Variants in SASH1 observed in about 807,000 individuals in gnomAD.
SASH1 encodes the protein SAM and SH3 domain containing 1, also known as SAM and SH3 domain-containing protein 1.
Under a neutral mutation model 125.2 loss-of-function variants are expected in SASH1, and 44 were observed. The observed-to-expected ratio is 0.35, with a 90% CI of 0.28 to 0.45. The LOEUF (loss-of-function observed/expected upper bound fraction) is 0.45. Ranked by LOEUF, SASH1 falls within the 20% of genes least tolerant of loss-of-function variation. SASH1 has a pLI of 1.00. For missense variants in SASH1, 1,426 were observed against 1,614.5 expected (o/e 0.88, Z 2.00); for synonymous variants, 639 against 649.1 (o/e 0.98, Z 0.24).
chr6:148,533,929 A>C lies in SASH1; in HGVS notation c.1893A>C (p.Arg631=). ...KRPTRRRRKG[R]PPQPKSVEDL... is the part of the protein sequence containing the mutation. ...CCACCAGGAGGCGTCGGAAAGGACG[A>C]CCACCCCAGCCCAAGTCTGTGGAGG... The change falls in exon 15 of 20, where the codon CGA becomes CGC. Residue 631 remains arginine, a synonymous_variant. Transcript: ENST00000367467. This position sits in a 1 kb window ranked among gnomAD's most constrained non-coding sequence, Gnocchi z 6.2. 6.2e-7 allele frequency: 1 copy of C among 1,613,980 alleles called. No homozygotes were observed. The highest frequency in any genetic ancestry group is 8.5e-7 in the Non-Finnish European group (1 of 1,179,918).
intron 8 of SASH1, 28 bp downstream of exon 8, chr6:148,487,743 G>C (rs544753529): frequency 1.4e-6 from 2 of 1,470,678 alleles, no homozygotes; most frequent in East Asian, 2.3e-5. Flanking sequence ...TTGACATCTT[G>C]ATCACCTACG....
chr6:148,545,210 T>C (rs1395976002), intron 18 of SASH1, among the ~76,000 whole-genome samples: 1 of 152,158 alleles, frequency 6.6e-6, no homozygotes, highest in Non-Finnish European at 1.5e-5. Flanking sequence ...AATGAAAAAT[T>C]ATTTCTCATT....
At chr6:148,439,652 C>T (rs1296432236) in intron 2 of SASH1, among the ~76,000 whole-genome samples, 1 of 152,132 alleles carries the variant, frequency 6.6e-6, no homozygotes, top group East Asian at 1.9e-4. Flanking sequence ...TGGCGCATGC[C>T]TGTAATCCCA....
At chr6:148,322,944 T>G (rs1322206968) in intron 1 of SASH1, among the ~76,000 whole-genome samples, 1 of 137,808 alleles carries the variant, frequency 7.3e-6, no homozygotes, top group African/African-American at 2.7e-5. Flanking sequence ...TTTTCCTTCC[T>G]TCCTTCCTCC....
chr6:148,480,583 C>T (rs1124163), intron 7 of SASH1: 26,914 of 151,994 alleles, frequency 0.18, 2,993 homozygotes, highest in African/African-American at 0.32. Context: ...GTCTTGGAGG[C>T]GGGCGTCATC....
chr6:148,461,072 A>ATT (rs1777592511), intron 4 of SASH1, among the ~76,000 whole-genome samples: 1 of 152,210 alleles, frequency 6.6e-6, no homozygotes, highest in Non-Finnish European at 1.5e-5. Flanking sequence ...AGTGCCAGAC[A>ATT]CTGCGCAAAG....
At chr6:148,268,966 C>T (rs1475465710), upstream of SASH1, among the ~76,000 whole-genome samples, 1 of 152,190 alleles carries the variant, frequency 6.6e-6, no homozygotes, top group East Asian at 1.9e-4. Flanking sequence ...AAATTATAGC[C>T]ACTCGTTTCA....
At chr6:148,325,261 T>TGTTGTTG (rs1554235038) in intron 1 of SASH1, among the ~76,000 whole-genome samples, 11 of 149,994 alleles carry the variant, frequency 7.3e-5, no homozygotes, top group African/African-American at 2.5e-4. Flanking sequence ...AAAAGCCTCT[T>TGTTGTTG]TTGTTGTTGT....
At chr6:148,225,612 T>C in the SASH1 span, among the ~76,000 whole-genome samples, 5 of 152,190 alleles carry the variant, frequency 3.3e-5, no homozygotes, top group African/African-American at 1.2e-4. Flanking sequence ...AGAAGACACA[T>C]TGGGTACAGC....
rs151106027 is a variant in SASH1, at chr6:148,537,334, G to T, written c.2095+2433G>T. On this transcript the variant is annotated intron_variant, in intron 16 of 19. Transcript: ENST00000367467. ...GTTCCATTGGGAAAAGACTCTAATTGTCAGATGGCTATTCCTTACGCCAAG... is the reference window on the plus strand; with the variant it reads ...GTTCCATTGGGAAAAGACTCTAATTTTCAGATGGCTATTCCTTACGCCAAG... Among the ~76,000 whole-genome samples the T allele has an allele frequency of 1.9e-3, 287 of 152,276 alleles. 2 individuals are homozygous for T. Among genetic ancestry groups the T allele is most frequent in the African/African-American group, 6.1e-3 (253 of 41,562 alleles).
Position 148,381,138 on chromosome 6 carries a change from G to A in SASH1, c.157-8996G>A, listed in dbSNP as rs550278740. ...CTAGCATATACTCCGCATGAGGGAT[G>A]TGGAGTAGGCCTTCTTCGTCATCTC... On this transcript the variant is annotated intron_variant, in intron 1 of 19. Transcript: ENST00000367467. Among the ~76,000 whole-genome samples, 5 of 152,318 alleles carry A rather than the reference G, an allele frequency of 3.3e-5. No individual in the cohort carries two copies. In the East Asian group the frequency reaches 9.6e-4, roughly 29 times the overall value.
chr6:148,495,168 G>A lies in SASH1; in HGVS notation c.729+7453G>A, dbSNP rs76675240. On this transcript the variant is annotated intron_variant, in intron 8 of 19. Coordinates refer to ENST00000367467, the MANE Select transcript of SASH1 (RefSeq NM_015278.5). The surrounding 1 kb of genome is among the most constrained non-coding windows in gnomAD (Gnocchi z 4.0). ...GTATGTGCCGAAAGCCAGGGCACCG[G>A]CAGAAGTTCCTTTTAAGTGGTTCTT... Among the ~76,000 whole-genome samples, 1,452 of 152,308 alleles carry A rather than the reference G, an allele frequency of 9.5e-3. 19 individuals are homozygous for A. Among genetic ancestry groups the A allele is most frequent in the African/African-American group, 0.032 (1,333 of 41,556 alleles).
At chr6:148,254,883 G>A in the SASH1 span, among the ~76,000 whole-genome samples, 12 of 152,192 alleles carry the variant, frequency 7.9e-5, no homozygotes, top group Middle Eastern at 3.4e-3. Flanking sequence ...GAAAACATAT[G>A]TCCGTACAAA....
At chr6:148,256,703 G>A in the SASH1 span, among the ~76,000 whole-genome samples, 5 of 152,288 alleles carry the variant, frequency 3.3e-5, no homozygotes, top group African/African-American at 1.2e-4. Context: ...GGAGTTGACT[G>A]CAAAGAGGCA....
chr6:148,510,440 T>C (rs1337353686), intron 8 of SASH1, among the ~76,000 whole-genome samples: 1 of 152,200 alleles, frequency 6.6e-6, no homozygotes, highest in Non-Finnish European at 1.5e-5. Flanking sequence ...CACTATCTCA[T>C]GTTTGAATGT....
chr6:148,343,110 C>G lies in SASH1; in HGVS notation c.43C>G (p.Pro15Ala). 1 of 1,581,582 alleles carries G rather than the reference C, an allele frequency of 6.3e-7. No homozygotes were observed. ...GAAGPGPEPEPEPEPEPEPAP... is the reference protein window; with the variant it reads ...GAAGPGPEPEAEPEPEPEPAP... Reference sequence around the variant, plus strand: ...AGCTGGCCCGGGGCCGGAGCCTGAGCCCGAGCCCGAGCCGGAGCCCGAGCC... The same window carrying G: ...AGCTGGCCCGGGGCCGGAGCCTGAGGCCGAGCCCGAGCCGGAGCCCGAGCC... Residue 15 changes from proline (P) to alanine (A), a missense_variant, in exon 1 of 20, where the codon CCC (proline) becomes GCC (alanine). By Grantham distance (27) the Pro-to-Ala change is conservative. Around this residue, in one of 3 missense-constraint regions of SASH1, gnomAD observed 567 missense variants for 575.6 expected, o/e 0.99. Transcript: ENST00000367467.
At chr6:148,211,933 C>A in the SASH1 span, among the ~76,000 whole-genome samples, 1 of 152,206 alleles carries the variant, frequency 6.6e-6, no homozygotes, top group Non-Finnish European at 1.5e-5. Flanking sequence ...GGAGTGCTGG[C>A]CTCAAGAGGA....
At chr6:148,492,801 A>G (rs1266540636) in intron 8 of SASH1, among the ~76,000 whole-genome samples, 2 of 151,820 alleles carry the variant, frequency 1.3e-5, no homozygotes, top group Non-Finnish European at 2.9e-5. Flanking sequence ...AGCCTGGGCA[A>G]TAGAGCAAGA....
At chr6:148,484,607 G>A (rs1778764266) in intron 7 of SASH1, among the ~76,000 whole-genome samples, 1 of 148,122 alleles carries the variant, frequency 6.8e-6, no homozygotes, top group South Asian at 2.1e-4. Flanking sequence ...AGCTTGTTTT[G>A]TAACTTTAAA....
Sources: allele counts gnomAD v4.1 joint callset (sites outside exome capture counted in the v4.1 genomes callset), GRCh38; gene constraint gnomAD v4.1.1; regional missense constraint gnomAD v4.1.1; non-coding constraint Gnocchi (gnomAD v3.1); transcripts MANE v1.5; gene names NCBI Gene and HGNC (gene_info 2026-07-23, HGNC 2026-07-21).